The following KRT80 variants were observed in gnomAD, a reference collection of about 807,000 sequenced individuals.
The protein encoded by KRT80 is keratin, type II cytoskeletal 80.
Under a neutral mutation model 51.5 loss-of-function variants are expected in KRT80, and 36 were observed. The observed-to-expected ratio is 0.70, with a 90% CI of 0.54 to 0.92. The LOEUF (loss-of-function observed/expected upper bound fraction) is 0.92. Among genes scored for constraint, KRT80 ranks in the 40% least tolerant of loss-of-function variants. The pLI is 0.00. For synonymous variants in KRT80, 235 were observed against 248.3 expected, an observed-to-expected ratio of 0.95 and a Z score of 0.50; for missense variants, 566 against 591.7, an observed-to-expected ratio of 0.96 and a Z score of 0.45.
At chr12:52,191,177 G>A (rs1941474923) in intron 1 of KRT80, among the ~76,000 whole-genome samples, 1 of 152,190 alleles carries the variant, frequency 6.6e-6, no homozygotes, top group Admixed American at 6.5e-5. Context: ...TGGGACCAGA[G>A]GCTTGAGGGA....
Position 52,171,292 on chromosome 12 carries a change from T to C in KRT80, c.*106A>G. ...ACCCCTCTCTCAGTTCAATATCAGG[T>C]TTTGCCTCTCTTCTCAACCTAGAGG... On this transcript the variant is annotated 3_prime_UTR_variant, in exon 9 of 9. Transcript: ENST00000394815. 8.4e-7 allele frequency: 1 copy of C among 1,187,060 alleles called. No homozygotes were observed. Among genetic ancestry groups the C allele is most frequent in the Non-Finnish European group, 1.2e-6 (1 of 841,594 alleles). 73.5% of individuals were successfully genotyped at this position (1,187,060 alleles called of 1,614,324 possible).
chr12:52,172,521 G>C (rs1233125028), intron 6 of KRT80, 103 bp from the exon 7 acceptor site: 14 of 1,051,098 alleles, frequency 1.3e-5, no homozygotes, highest in Non-Finnish European at 1.7e-5. Context: ...GGTGTGGGGA[G>C]GGAGGGCTGA....
At chr12:52,179,320 C>A (rs1475583379) in intron 4 of KRT80, among the ~76,000 whole-genome samples, 1 of 152,224 alleles carries the variant, frequency 6.6e-6, no homozygotes, top group Non-Finnish European at 1.5e-5. Flanking sequence ...TAGCCCAGTT[C>A]CCACCCAGCC....
chr12:52,190,497 C>G (rs541678350), intron 1 of KRT80, among the ~76,000 whole-genome samples: 1 of 152,350 alleles, frequency 6.6e-6, no homozygotes, highest in African/African-American at 2.4e-5. Context: ...TGAGCTCCCA[C>G]CTCATGGGGG....
intron 1 of KRT80, 27 bp from the exon 2 acceptor site, chr12:52,185,614 G>A (rs768761321): frequency 6.3e-7 from 1 of 1,597,638 alleles, no homozygotes; most frequent in Non-Finnish European, 8.5e-7. Flanking sequence ...GCGGCGAATG[G>A]GTCAGGTGTG....
At chr12:52,179,040 G>A (rs1320436238) in intron 4 of KRT80, among the ~76,000 whole-genome samples, 1 of 152,228 alleles carries the variant, frequency 6.6e-6, no homozygotes, top group Non-Finnish European at 1.5e-5. Context: ...TACAGCTGCA[G>A]GGCCTGCATC....
rs1941079293 is a variant in KRT80 at position 52,170,822 on chromosome 12, A to G, written c.*576T>C. Reference sequence around the variant, plus strand: ...AATAGCCAGGGCCCCTCCTCCCTTCACTCCCTAATACTGTCAGGTCTCTGG... The same window carrying G: ...AATAGCCAGGGCCCCTCCTCCCTTCGCTCCCTAATACTGTCAGGTCTCTGG... On this transcript the variant is annotated 3_prime_UTR_variant, in exon 9 of 9. Coordinates refer to ENST00000394815, the MANE Select transcript of KRT80 (RefSeq NM_182507.3). 6.6e-6 allele frequency: 1 copy of G among 152,634 alleles called. No individual in the cohort carries two copies. The highest frequency in any genetic ancestry group is 1.5e-5 in the Non-Finnish European group (1 of 68,254). 9.5% of individuals were successfully genotyped at this position (152,634 alleles called of 1,614,324 possible).
In KRT80 at chr12:52,171,658, C is replaced by T. The variant is rs201796556; in HGVS notation, c.1234G>A (p.Ala412Thr). The stretch of plus-strand genomic sequence containing the variant: ...GGGTTCTCGGGGCAAGAGGACTCAC[C>T]GGTTTTGCACCTGGACTGCACAGCG... ...VSAVQSRCKT[A>T]ASRSGLSKAP... Residue 412 changes from alanine (A) to threonine (T), a missense_variant and splice_region_variant, in exon 8 of 9, where the codon GCT (alanine) becomes ACT (threonine). By Grantham distance (58) the Ala-to-Thr change is moderately conservative. Coordinates refer to ENST00000394815, the MANE Select transcript of KRT80 (RefSeq NM_182507.3). The T allele has an allele frequency of 4.2e-5, 57 of 1,350,688 alleles. 1 individual carries two copies. Among genetic ancestry groups the T allele is most frequent in the South Asian group, 2.3e-4 (19 of 84,248 alleles). 83.7% of individuals were successfully genotyped at this position (1,350,688 alleles called of 1,614,324 possible).
At chr12:52,187,704 A>G (rs1418518513) in intron 1 of KRT80, among the ~76,000 whole-genome samples, 1 of 152,146 alleles carries the variant, frequency 6.6e-6, no homozygotes, top group Non-Finnish European at 1.5e-5. Flanking sequence ...TCACAGCCAA[A>G]CAGGTTCAGT....
chr12:52,175,440 C>T (rs1345252626), intron 4 of KRT80, among the ~76,000 whole-genome samples: 2 of 152,042 alleles, frequency 1.3e-5, no homozygotes, highest in Non-Finnish European at 2.9e-5. Flanking sequence ...ACTCTGGGCG[C>T]CCTCCTGATC....
intron 1 of KRT80, among the ~76,000 whole-genome samples, chr12:52,188,529 G>C (rs1055452622): frequency 6.6e-6 from 1 of 152,236 alleles, no homozygotes; most frequent in Non-Finnish European, 1.5e-5. Flanking sequence ...TTGAATCCCC[G>C]GCCTTCAGCC....
At chr12:52,176,744 G>C (rs1379709777) in intron 4 of KRT80, among the ~76,000 whole-genome samples, 1 of 152,220 alleles carries the variant, frequency 6.6e-6, no homozygotes, top group Non-Finnish European at 1.5e-5. Context: ...GCCTCCCAAA[G>C]TGTTGGGATT....
At position 52,169,189 on chromosome 12, in the gene KRT80, A is replaced by G. The variant is rs951155721; in HGVS notation, c.*2209T>C. 1 of 152,136 alleles carries G rather than the reference A, an allele frequency of 6.6e-6. No homozygotes were observed. Among genetic ancestry groups the G allele is most frequent in the Non-Finnish European group, 1.5e-5 (1 of 68,028 alleles). 9.4% of individuals were successfully genotyped at this position (152,136 alleles called of 1,614,324 possible). ...CAGACTCTTTTAAACAACCATATCT[A>G]TGTGAATTGAGTGAGAACTCACTCA... On this transcript the variant is annotated 3_prime_UTR_variant, in exon 9 of 9. Transcript: ENST00000394815.
At chr12:52,185,686 A>T (rs1171973167) in intron 1 of KRT80, 99 bp from the exon 2 acceptor site, 2 of 1,538,432 alleles carry the variant, frequency 1.3e-6, no homozygotes, top group Non-Finnish European at 1.7e-6. Context: ...CTCCCTGGGA[A>T]GTGGCAGCTC....
chr12:52,191,650 C>T lies in KRT80; in HGVS notation c.253G>A (p.Glu85Lys), dbSNP rs1007639703. ...TTATCATTGAGGGCCTTCATCTCCT[C>T]CTTCTCCTGGTTCTTCAGCTGCTGA... ...AVQQLKNQEK[E>K]EMKALNDKFA... Residue 85 changes from glutamate (E) to lysine (K), a missense_variant, in exon 1 of 9, where the codon GAG (glutamate) becomes AAG (lysine). Glu to Lys is a moderately conservative substitution (Grantham distance 56, BLOSUM62 1). Coordinates refer to ENST00000394815, the MANE Select transcript of KRT80 (RefSeq NM_182507.3). 5.0e-6 allele frequency: 8 copies of T among 1,610,502 alleles called. No homozygotes were observed. The highest frequency in any genetic ancestry group is 6.8e-6 in the Non-Finnish European group (8 of 1,177,520).
At chr12:52,171,939 A>G (rs949332634) in intron 7 of KRT80, among the ~76,000 whole-genome samples, 4 of 152,036 alleles carry the variant, frequency 2.6e-5, no homozygotes. Context: ...CTGAGTTTTG[A>G]CAGGCATTTG....
At position 52,177,219 on chromosome 12, in the gene KRT80, G is replaced by A. The variant is rs150772456; in HGVS notation, c.666+3294C>T. ...TAGGTGCTCACTAAACAGTAGTTAAGGATTCTCTATTATGGTAATTGGTAA... is the reference window on the plus strand; with the variant it reads ...TAGGTGCTCACTAAACAGTAGTTAAAGATTCTCTATTATGGTAATTGGTAA... On this transcript the variant is annotated intron_variant, in intron 4 of 8. Transcript: ENST00000394815. 8.5e-5 allele frequency among the ~76,000 whole-genome samples: 13 copies of A among 152,278 alleles called. No homozygotes were observed. The East Asian group carries it at 2.5e-3, about 29-fold the overall frequency.
chr12:52,171,796 G>T, intron 7 of KRT80, 83 bp from the exon 8 acceptor site: 2 of 933,846 alleles, frequency 2.1e-6, no homozygotes, highest in Non-Finnish European at 3.3e-6. Flanking sequence ...CTGGGGGCTG[G>T]CAAGTGGAGG....
In KRT80 at chr12:52,173,130, CA is replaced by C. The variant is rs1421147641; in HGVS notation, c.864del (p.Tyr288Ter). ...LEEQAARSAE[Y>X]GSSLQSSRSE... ...CTGCGGCTGCTCTGGAGGCTGCTCC[CA>C]TACTCGGCCGAGCGGGCGGCCTGCT... On this transcript the variant is annotated frameshift_variant, in exon 6 of 9. Coordinates refer to ENST00000394815, the MANE Select transcript of KRT80 (RefSeq NM_182507.3). LOFTEE classifies it high-confidence loss of function. 3 of 1,612,434 alleles carry C rather than the reference CA, an allele frequency of 1.9e-6. No individual in the cohort carries two copies. The highest frequency in any genetic ancestry group is 2.5e-6 in the Non-Finnish European group (3 of 1,179,372).
Sources: gnomAD v4.1 joint callset for allele counts (sites outside exome capture counted in the v4.1 genomes callset) on GRCh38, gnomAD v4.1.1 for gene constraint, MANE v1.5 for transcripts, NCBI Gene and HGNC (gene_info 2026-07-23, HGNC 2026-07-21) for gene names.